TENT4B: variants seen among roughly 807,000 people sequenced by gnomAD.
The protein encoded by TENT4B is terminal nucleotidyltransferase 4B.
A neutral mutation model predicts 75.0 loss-of-function variants in TENT4B; 10 were observed. The observed-to-expected ratio is 0.13, with a 90% CI of 0.08 to 0.23. The LOEUF is 0.23. Among genes scored for constraint, TENT4B ranks in the 10% least tolerant of loss-of-function variants. The pLI, the probability that TENT4B is intolerant of heterozygous loss-of-function variation, is 1.00. For synonymous variants in TENT4B, 350 were observed against 357.7 expected (o/e 0.98, Z 0.24); for missense variants, 579 against 893.8 (o/e 0.65, Z 4.49).
chr16:50,182,700 A>G (rs1239508351), intron 1 of TENT4B, among the ~76,000 whole-genome samples: 1 of 151,982 alleles, frequency 6.6e-6, no homozygotes, highest in Non-Finnish European at 1.5e-5. Flanking sequence ...CTTATTTTCT[A>G]TTGTAAATAA....
At position 50,228,100 on chromosome 16, in the gene TENT4B, G is replaced by A. The variant is rs550080442; in HGVS notation, c.1965+97G>A. 7.5e-5 allele frequency: 107 copies of A among 1,418,168 alleles called. 2 individuals are homozygous for A. The South Asian group carries it at 1.1e-3, about 15-fold the overall frequency. The allele number at this position is 1,418,168 out of a possible 1,614,324, so 87.8% of individuals were successfully genotyped here. ...TATGCAGCATGGGTTTGAAGAAAACGCTAGATTGAAGAACAAACTTATTTT... is the reference window on the plus strand; with the variant it reads ...TATGCAGCATGGGTTTGAAGAAAACACTAGATTGAAGAACAAACTTATTTT... On this transcript the variant is annotated intron_variant, in intron 11 of 11. Transcript: ENST00000561678.
chr16:50,173,608 A>G (rs1567482828), intron 1 of TENT4B, among the ~76,000 whole-genome samples: 1 of 152,124 alleles, frequency 6.6e-6, no homozygotes, highest in African/African-American at 2.4e-5. Flanking sequence ...ATTCTAATAG[A>G]TATGTAGTGA....
In TENT4B at chr16:50,234,720, A is replaced by C; in HGVS notation, c.*5392A>C. 8 of 985,460 alleles carry C rather than the reference A, an allele frequency of 8.1e-6. No individual in the cohort carries two copies. The highest frequency in any genetic ancestry group is 9.6e-6 in the Non-Finnish European group (8 of 829,938). The allele number at this position is 985,460 out of a possible 1,614,324, so 61.0% of individuals were successfully genotyped here. On this transcript the variant is annotated 3_prime_UTR_variant, in exon 12 of 12. Transcript: ENST00000561678. ...GACGTGTCAAGAGTCTCCAGTCTTTACTACTAAAAAGCAGCACTGCCTTAA... is the reference window on the plus strand; with the variant it reads ...GACGTGTCAAGAGTCTCCAGTCTTTCCTACTAAAAAGCAGCACTGCCTTAA...
chr16:50,186,718 A>G (rs1055219142), intron 1 of TENT4B, among the ~76,000 whole-genome samples: 5 of 151,880 alleles, frequency 3.3e-5, no homozygotes, highest in African/African-American at 4.8e-5. Flanking sequence ...CAAGGGCTCC[A>G]GTCTCTCCCC....
chr16:50,226,777 G>T (rs975829608), intron 10 of TENT4B, among the ~76,000 whole-genome samples: 1 of 152,138 alleles, frequency 6.6e-6, no homozygotes, highest in African/African-American at 2.4e-5. Context: ...GTACAATTCA[G>T]TGGTTTTTAG....
intron 1 of TENT4B, among the ~76,000 whole-genome samples, chr16:50,198,409 ACT>A (rs1487451202): frequency 2.0e-5 from 2 of 101,034 alleles, no homozygotes; most frequent in Non-Finnish European, 4.6e-5. Context: ...ACAAAGTGAG[ACT>A]CTGTCTAAAA....
chr16:50,227,788 A>G lies in TENT4B; in HGVS notation c.1801-51A>G. 2 of 1,582,630 alleles carry G rather than the reference A, an allele frequency of 1.3e-6. 1 individual carries two copies. The highest frequency in any genetic ancestry group is 2.2e-5 in the South Asian group (2 of 89,768). On this transcript the variant is annotated intron_variant, in intron 10 of 11. Transcript: ENST00000561678. Reference sequence around the variant, plus strand: ...AAATTGTTTTTCTTTCTGAATATTGAGTATCTAAATTACTAATATGTCACA... The same window carrying G: ...AAATTGTTTTTCTTTCTGAATATTGGGTATCTAAATTACTAATATGTCACA...
chr16:50,166,431 G>A (rs992476191), intron 1 of TENT4B, among the ~76,000 whole-genome samples: 1 of 152,056 alleles, frequency 6.6e-6, no homozygotes, highest in Non-Finnish European at 1.5e-5. Context: ...CAATCTAGTG[G>A]GTATGAAGTA....
chr16:50,175,410 T>G (rs2038287021), intron 1 of TENT4B, among the ~76,000 whole-genome samples: 1 of 152,158 alleles, frequency 6.6e-6, no homozygotes, highest in Non-Finnish European at 1.5e-5. Flanking sequence ...ACAGGAGTTT[T>G]ATAGTTTTTG....
intron 1 of TENT4B, among the ~76,000 whole-genome samples, chr16:50,195,659 G>GA (rs1399769097): frequency 1.3e-5 from 2 of 152,190 alleles, no homozygotes; most frequent in Non-Finnish European, 2.9e-5. Flanking sequence ...ATGTAAAGAG[G>GA]AAAGTGTGCA....
chr16:50,223,525 G>A, intron 7 of TENT4B, 138 bp downstream of exon 7: 3 of 640,720 alleles, frequency 4.7e-6, no homozygotes, highest in Non-Finnish European at 7.8e-6. Flanking sequence ...AATATTTCAT[G>A]AGCAAACATA....
intron 1 of TENT4B, among the ~76,000 whole-genome samples, chr16:50,171,827 T>C (rs570345652): frequency 2.0e-5 from 3 of 151,836 alleles, no homozygotes; most frequent in Non-Finnish European, 4.4e-5. Context: ...TAGCTGGGTG[T>C]GGTGGTGTGC....
Position 50,225,126 on chromosome 16 carries a change from T to C in TENT4B, c.1641T>C (p.Thr547=), listed in dbSNP as rs1454443252. The change falls in exon 10 of 12, where the codon ACT becomes ACC. Residue 547 remains threonine, a synonymous_variant. Coordinates refer to ENST00000561678, the MANE Select transcript of TENT4B (RefSeq NM_001365324.3). ...NGNGVTLIVD[T]QQLDKCNNNL... is the part of the protein sequence containing the mutation. ...ATGGTGTTACCTTGATAGTAGATAC[T>C]CAGCAGTTAGATAAATGTAATAATA... 6.2e-7 allele frequency: 1 copy of C among 1,613,192 alleles called. No individual in the cohort carries two copies. The highest frequency in any genetic ancestry group is 8.5e-7 in the Non-Finnish European group (1 of 1,179,346).
At chr16:50,201,630 G>A (rs1378679054) in intron 1 of TENT4B, among the ~76,000 whole-genome samples, 2 of 151,922 alleles carry the variant, frequency 1.3e-5, no homozygotes, top group East Asian at 1.9e-4. Flanking sequence ...ATCTCTTGTG[G>A]TCAGGAGTTC....
Position 50,153,940 on chromosome 16 carries a change from G to C in TENT4B, c.319G>C (p.Glu107Gln). The C allele has an allele frequency of 4.6e-6, 7 of 1,533,596 alleles. No homozygotes were observed. Among genetic ancestry groups the C allele is most frequent in the Non-Finnish European group, 6.1e-6 (7 of 1,145,954 alleles). 95.0% of individuals were successfully genotyped at this position (1,533,596 alleles called of 1,614,324 possible). A position where few individuals can be genotyped will look rare whatever the true frequency, so the allele number is the denominator to read the frequency against. ...PAEQRDFLPL[E>Q]TTNNNNNHHQ... ...GGAGCAGCGGGACTTCCTGCCCCTA[G>C]AGACGACCAACAACAACAACAACCA... Residue 107 changes from glutamate to glutamine, a missense_variant, in exon 1 of 12, where the codon GAG (glutamate) becomes CAG (glutamine). Glu to Gln is a conservative substitution (Grantham distance 29, BLOSUM62 2). Coordinates refer to ENST00000561678, the MANE Select transcript of TENT4B (RefSeq NM_001365324.3).
intron 1 of TENT4B, among the ~76,000 whole-genome samples, chr16:50,199,336 G>A (rs1193410857): frequency 6.6e-6 from 1 of 152,226 alleles, no homozygotes; most frequent in African/African-American, 2.4e-5. Flanking sequence ...GAATCACATG[G>A]AATAGTAGGG....
chr16:50,212,749 A>G (rs1269910337), intron 2 of TENT4B, among the ~76,000 whole-genome samples: 2 of 152,232 alleles, frequency 1.3e-5, no homozygotes, highest in South Asian at 2.1e-4. Context: ...TGTCCGAGAC[A>G]TATTTGATTG....
intron 1 of TENT4B, among the ~76,000 whole-genome samples, chr16:50,198,312 TGGA>T (rs1346707562): frequency 6.6e-6 from 1 of 151,346 alleles, no homozygotes; most frequent in Non-Finnish European, 1.5e-5. Context: ...CCAGCTACTT[TGGA>T]GGCTGAGGTT....
rs1273661708 is a variant in TENT4B, at chr16:50,230,764, C to T, written c.*1436C>T. 1.0e-6 allele frequency: 1 copy of T among 985,594 alleles called. No homozygotes were observed. The highest frequency in any genetic ancestry group is 1.7e-5 in the African/African-American group (1 of 57,210). The allele number at this position is 985,594 out of a possible 1,614,324, so 61.1% of individuals were successfully genotyped here. On this transcript the variant is annotated 3_prime_UTR_variant, in exon 12 of 12. Coordinates refer to ENST00000561678, the MANE Select transcript of TENT4B (RefSeq NM_001365324.3). ...AGATGTATAATTCTGTTATCATTACCTGTTGAGTTTGAAACTCAGTTGGGA... is the reference window on the plus strand; with the variant it reads ...AGATGTATAATTCTGTTATCATTACTTGTTGAGTTTGAAACTCAGTTGGGA...
Sources: gnomAD v4.1 joint callset for allele counts (sites outside exome capture counted in the v4.1 genomes callset) on GRCh38, gnomAD v4.1.1 for gene constraint, MANE v1.5 for transcripts, NCBI Gene and HGNC (gene_info 2026-07-23, HGNC 2026-07-21) for gene names.